The following CHRM3 variants were observed in gnomAD, a reference collection of about 807,000 sequenced individuals.
CHRM3 encodes the protein muscarinic acetylcholine receptor M3.
A neutral mutation model predicts 41.8 loss-of-function variants in CHRM3; 11 were observed. The ratio of observed to expected loss-of-function variants is 0.26; its 90% CI spans 0.17 to 0.44. The LOEUF (loss-of-function observed/expected upper bound fraction) is 0.44, where lower values mean the gene tolerates loss of function less well. CHRM3 is among the 20% of genes least tolerant of loss of function. The probability of loss-of-function intolerance (pLI) is 1.00; values close to 1 mark genes in which losing one functional copy is unlikely to be tolerated. For missense variants in CHRM3, 571 were observed against 745.4 expected (o/e 0.77, Z 2.72); for synonymous variants, 297 against 301.4 (o/e 0.99, Z 0.15).
chr1:239,697,417 CT>C (rs1241849425), intron 5 of CHRM3, among the ~76,000 whole-genome samples: 1 of 152,188 alleles, frequency 6.6e-6, no homozygotes, highest in African/African-American at 2.4e-5. Context: ...AAACCTCTTT[CT>C]TTTGTAAATT....
intron 5 of CHRM3, among the ~76,000 whole-genome samples, chr1:239,718,409 A>G (rs1278569771): frequency 6.6e-6 from 1 of 152,060 alleles, no homozygotes; most frequent in African/African-American, 2.4e-5. Context: ...AGAGTCAGAT[A>G]CTGACTTCTG....
intron 5 of CHRM3, among the ~76,000 whole-genome samples, chr1:239,826,014 C>T (rs1435765137): frequency 1.3e-5 from 2 of 152,110 alleles, no homozygotes; most frequent in Non-Finnish European, 2.9e-5. Flanking sequence ...CCTGGGGACT[C>T]CAACAATAGA....
intron 5 of CHRM3, among the ~76,000 whole-genome samples, chr1:239,757,491 G>T (rs1023667968): frequency 6.6e-6 from 1 of 152,016 alleles, no homozygotes; most frequent in Non-Finnish European, 1.5e-5. Context: ...TTAGCCAGGC[G>T]TGGTGGCGAG....
intron 5 of CHRM3, among the ~76,000 whole-genome samples, chr1:239,768,452 C>T (rs1031403071): frequency 2.4e-4 from 37 of 151,526 alleles, no homozygotes; most frequent in African/African-American, 8.0e-4. Flanking sequence ...AAATGAATGA[C>T]GCAGCACTTA....
intron 4 of CHRM3, among the ~76,000 whole-genome samples, chr1:239,657,961 G>GA (rs1046815067): frequency 3.3e-5 from 5 of 150,554 alleles, no homozygotes; most frequent in Middle Eastern, 6.9e-3. Context: ...TAGGATTTCT[G>GA]AAAAAAAAAG....
chr1:239,434,116 C>G (rs1558220723), intron 1 of CHRM3, among the ~76,000 whole-genome samples: 1 of 152,140 alleles, frequency 6.6e-6, no homozygotes, highest in Non-Finnish European at 1.5e-5. Flanking sequence ...CCACTCCTTC[C>G]AATTCCCATC....
chr1:239,591,174 C>A (rs561382123), intron 3 of CHRM3, among the ~76,000 whole-genome samples: 111 of 152,170 alleles, frequency 7.3e-4, no homozygotes, highest in Non-Finnish European at 4.8e-4. Flanking sequence ...TTTTGACCAG[C>A]GGCTGTGCAC....
chr1:239,693,288 C>G (rs1037274928), intron 5 of CHRM3, among the ~76,000 whole-genome samples: 1 of 152,114 alleles, frequency 6.6e-6, no homozygotes, highest in Non-Finnish European at 1.5e-5. Context: ...AGCCCCAACC[C>G]CCAATGCAAC....
At chr1:239,733,794 C>T (rs1297259183) in intron 5 of CHRM3, among the ~76,000 whole-genome samples, 1 of 151,934 alleles carries the variant, frequency 6.6e-6, no homozygotes, top group Non-Finnish European at 1.5e-5. Context: ...AAGGAAGTAA[C>T]CACTTATTAA....
intron 1 of CHRM3, among the ~76,000 whole-genome samples, chr1:239,399,404 A>G (rs1251740334): frequency 1.4e-5 from 2 of 146,706 alleles, no homozygotes; most frequent in Admixed American, 6.9e-5. Context: ...CGTGTTAGTT[A>G]TCATTAACCA....
chr1:239,715,109 G>A (rs1022902291), intron 5 of CHRM3, among the ~76,000 whole-genome samples: 4 of 152,150 alleles, frequency 2.6e-5, no homozygotes, highest in African/African-American at 7.2e-5. Flanking sequence ...CACAGATTAA[G>A]TGAGTAAAAA....
intron 2 of CHRM3, among the ~76,000 whole-genome samples, chr1:239,503,520 A>G (rs1668377606): frequency 6.6e-6 from 1 of 152,146 alleles, no homozygotes; most frequent in Admixed American, 6.6e-5. Context: ...ATCCCCATCA[A>G]AATACCACCA....
At chr1:239,826,316 A>G (rs58475124) in intron 5 of CHRM3, among the ~76,000 whole-genome samples, 2,181 of 152,294 alleles carry the variant, frequency 0.014, 64 homozygotes, top group African/African-American at 0.05. Flanking sequence ...TTGCGATCTT[A>G]TAGTTCCTGT....
intron 4 of CHRM3, among the ~76,000 whole-genome samples, chr1:239,643,635 G>C (rs770482884): frequency 6.6e-6 from 1 of 152,158 alleles, no homozygotes; most frequent in Non-Finnish European, 1.5e-5. Context: ...TGCAGTATTC[G>C]GGTGGGAGTG....
chr1:239,534,575 A>G (rs1274079162), intron 2 of CHRM3, among the ~76,000 whole-genome samples: 1 of 152,184 alleles, frequency 6.6e-6, no homozygotes, highest in Non-Finnish European at 1.5e-5. Flanking sequence ...TAAATCTAAA[A>G]ATTACTTCTG....
intron 6 of CHRM3, among the ~76,000 whole-genome samples, chr1:239,858,935 T>C (rs2149259976): frequency 6.6e-6 from 1 of 152,362 alleles, no homozygotes; most frequent in South Asian, 2.1e-4. Context: ...ACGTGTTCCA[T>C]TTTATGGCTG....
intron 4 of CHRM3, among the ~76,000 whole-genome samples, chr1:239,665,147 A>G (rs1673646616): frequency 6.9e-6 from 1 of 145,934 alleles, no homozygotes; most frequent in South Asian, 2.2e-4. Context: ...TCCAACGTTA[A>G]AAGTTTGTTT....
At chr1:239,700,629 G>C (rs926189544) in intron 5 of CHRM3, among the ~76,000 whole-genome samples, 1 of 152,026 alleles carries the variant, frequency 6.6e-6, no homozygotes, top group African/African-American at 2.4e-5. Context: ...AAGTCCCACT[G>C]GCATCTTAAT....
chr1:239,502,755 A>T (rs1333372606), intron 2 of CHRM3, among the ~76,000 whole-genome samples: 1 of 152,156 alleles, frequency 6.6e-6, no homozygotes, highest in Non-Finnish European at 1.5e-5. Context: ...TGGGTTTAAC[A>T]TACACAAGTC....
Sources: gnomAD v4.1 joint callset for allele counts (sites outside exome capture counted in the v4.1 genomes callset) on GRCh38, gnomAD v4.1.1 for gene constraint, MANE v1.5 for transcripts, NCBI Gene and HGNC (gene_info 2026-07-23, HGNC 2026-07-21) for gene names.